DACH2: variants seen among roughly 807,000 people sequenced by gnomAD.
DACH2 encodes dachshund homolog 2.
In DACH2, 17 loss-of-function variants were observed where a neutral mutation model predicts 35.8. The ratio of observed to expected loss-of-function variants is 0.48; its 90% CI spans 0.33 to 0.71. DACH2 has a LOEUF of 0.71. Ranked by LOEUF, DACH2 falls within the 30% of genes least tolerant of loss-of-function variation. The pLI, the probability that DACH2 is intolerant of heterozygous loss-of-function variation, is 0.02. For synonymous variants in DACH2, 195 were observed against 177.3 expected (o/e 1.10, Z -0.79); for missense variants, 469 against 472.7 (o/e 0.99, Z 0.07).
intron 1 of DACH2, among the ~76,000 whole-genome samples, chrX:86,349,789 A>G (rs2035562264): frequency 1.8e-5 from 2 of 111,058 alleles, no homozygotes; most frequent in Non-Finnish European, 3.8e-5. Flanking sequence ...TTTTTCTGTG[A>G]TTCTTCTCAT....
chrX:86,705,969 A>G (rs746504618), intron 5 of DACH2, among the ~76,000 whole-genome samples: 1 of 112,247 alleles, frequency 8.9e-6, no homozygotes, highest in Non-Finnish European at 1.9e-5. Context: ...GAAGGCCATC[A>G]TTCTAAGTGA....
intron 1 of DACH2, among the ~76,000 whole-genome samples, chrX:86,293,782 C>T (rs185288786): frequency 0.011 from 1,237 of 111,557 alleles, 13 homozygotes; most frequent in African/African-American, 0.038. Context: ...AGAGTTTCTG[C>T]CGAGAGATCA....
intron 2 of DACH2, among the ~76,000 whole-genome samples, chrX:86,503,239 C>G (rs964168499): frequency 1.8e-5 from 2 of 111,704 alleles, no homozygotes; most frequent in African/African-American, 6.5e-5. Flanking sequence ...GTGTTTTACA[C>G]AGTGGACACA....
Position 86,288,151 on chromosome X carries a change from C to T in DACH2, c.489-88673C>T, listed in dbSNP as rs140177959. Reference sequence around the variant, plus strand: ...TCTTGCAGACTCCTAGAGGTATTACCTTGATGGTCTTGGACAAGATTGCAG... The same window carrying T: ...TCTTGCAGACTCCTAGAGGTATTACTTTGATGGTCTTGGACAAGATTGCAG... On this transcript the variant is annotated intron_variant, in intron 1 of 11. Coordinates refer to ENST00000373125, the MANE Select transcript of DACH2 (RefSeq NM_053281.3). Among the ~76,000 whole-genome samples the T allele has an allele frequency of 5.5e-3, 620 of 112,401 alleles. 6 individuals carry two copies. Among genetic ancestry groups the T allele is most frequent in the African/African-American group, 0.019 (586 of 30,982 alleles).
intron 3 of DACH2, among the ~76,000 whole-genome samples, chrX:86,540,482 G>A (rs925320894): frequency 4.1e-4 from 46 of 112,290 alleles, no homozygotes; most frequent in African/African-American, 1.5e-3. Context: ...AGCCCAATCA[G>A]CAGATATATT....
intron 1 of DACH2, chrX:86,304,775 G>A (rs1269538273): frequency 6.3e-6 from 1 of 159,727 alleles, no homozygotes; most frequent in Admixed American, 5.7e-5. Context: ...CAATATGGAA[G>A]TCACCCAGGA....
chrX:86,220,165 C>CA (rs57964243), intron 1 of DACH2, among the ~76,000 whole-genome samples: 957 of 49,928 alleles, frequency 0.019, 30 homozygotes, highest in African/African-American at 0.054. Context: ...GACTCCATCT[C>CA]AAAAAAAAAA....
Position 86,507,463 on chromosome X carries a change from CAAAAA to C in DACH2, c.528-6797_528-6793del, listed in dbSNP as rs34617943. Among the ~76,000 whole-genome samples the C allele has an allele frequency of 1.7e-4, 8 of 47,645 alleles. 1 individual carries two copies. Among genetic ancestry groups the C allele is most frequent in the Admixed American group, 1.4e-3 (5 of 3,648 alleles). 41.4% of individuals were successfully genotyped at this position (47,645 alleles called of 115,157 possible). On this transcript the variant is annotated intron_variant, in intron 2 of 11. Transcript: ENST00000373125. Reference sequence around the variant, plus strand: ...CACAAAGGAAAAGTCAGTGACCTTTCAAAAAAAAAAAAAAAAAAAAAAACCAGCGG... The same window carrying C: ...CACAAAGGAAAAGTCAGTGACCTTTCAAAAAAAAAAAAAAAAAACCAGCGG...
chrX:86,724,486 T>G lies in DACH2; in HGVS notation c.1104+9766T>G, dbSNP rs370527345. On this transcript the variant is annotated intron_variant, in intron 6 of 11. Coordinates refer to ENST00000373125, the MANE Select transcript of DACH2 (RefSeq NM_053281.3). ...TGGATAAAAAATGCTTGTCTGGCAG[T>G]TTTTTCTTCTTTTAGCACTTTGAAA... 4.5e-5 allele frequency among the ~76,000 whole-genome samples: 5 copies of G among 111,899 alleles called. No homozygotes were observed. The East Asian group carries it at 1.4e-3, about 31-fold the overall frequency.
intron 1 of DACH2, among the ~76,000 whole-genome samples, chrX:86,265,018 G>T (rs903389508): frequency 2.7e-5 from 3 of 111,272 alleles, no homozygotes; most frequent in African/African-American, 9.8e-5. Flanking sequence ...ATGGGTAGTT[G>T]GGAGGGGTTC....
intron 3 of DACH2, among the ~76,000 whole-genome samples, chrX:86,606,090 T>C (rs1480087646): frequency 9.0e-6 from 1 of 111,211 alleles, no homozygotes; most frequent in African/African-American, 3.3e-5. Flanking sequence ...CTTGCTTTAC[T>C]GTGTGTCTTA....
intron 1 of DACH2, among the ~76,000 whole-genome samples, chrX:86,204,252 A>C (rs956084955): frequency 8.9e-6 from 1 of 112,040 alleles, no homozygotes; most frequent in Non-Finnish European, 1.9e-5. Flanking sequence ...TGTCTGCTAC[A>C]GACTATGTAC....
intron 3 of DACH2, among the ~76,000 whole-genome samples, chrX:86,526,346 A>T (rs1443536711): frequency 9.0e-6 from 1 of 111,302 alleles, no homozygotes; most frequent in Non-Finnish European, 1.9e-5. Context: ...GGCACCTAGA[A>T]CTCACCTTTT....
intron 6 of DACH2, among the ~76,000 whole-genome samples, chrX:86,738,857 T>C (rs1391180404): frequency 1.8e-5 from 2 of 111,814 alleles, no homozygotes; most frequent in African/African-American, 6.5e-5. Flanking sequence ...AATAATGGTG[T>C]ACTGTGACTA....
intron 1 of DACH2, among the ~76,000 whole-genome samples, chrX:86,253,649 G>C (rs957432286): frequency 9.0e-6 from 1 of 111,577 alleles, no homozygotes; most frequent in African/African-American, 3.2e-5. Context: ...TTGGTATAAC[G>C]TGTGACTCCC....
At chrX:86,678,146 G>C (rs1434779205) in intron 4 of DACH2, among the ~76,000 whole-genome samples, 1 of 111,774 alleles carries the variant, frequency 8.9e-6, no homozygotes, top group Non-Finnish European at 1.9e-5. Context: ...AAATACAAGG[G>C]TGCAGGTGTT....
chrX:86,328,752 G>A (rs1409296298), intron 1 of DACH2, among the ~76,000 whole-genome samples: 1 of 111,548 alleles, frequency 9.0e-6, no homozygotes, highest in African/African-American at 3.3e-5. Flanking sequence ...TTCCTGAATT[G>A]CAATTAGATA....
rs556947343 is a variant in DACH2 at position 86,664,866 on chromosome X, T to A, written c.772+13699T>A. 2.8e-4 allele frequency among the ~76,000 whole-genome samples: 31 copies of A among 112,049 alleles called. 1 individual carries two copies. In the South Asian group the frequency reaches 0.011, roughly 41 times the overall value. On this transcript the variant is annotated intron_variant, in intron 4 of 11. Transcript: ENST00000373125. ...AGTCAGCATTTTTGAGTTTTTCTTT[T>A]TTAAATTTTCAAGTGCTTCGAAAGG...
chrX:86,743,238 G>A (rs1223169023), intron 7 of DACH2, among the ~76,000 whole-genome samples: 2 of 111,167 alleles, frequency 1.8e-5, no homozygotes, highest in Non-Finnish European at 3.8e-5. Context: ...ATCTCAACCT[G>A]CCTTTTGATC....
Sources: gnomAD v4.1 joint callset for allele counts (sites outside exome capture counted in the v4.1 genomes callset) on GRCh38, gnomAD v4.1.1 for gene constraint, MANE v1.5 for transcripts, NCBI Gene and HGNC (gene_info 2026-07-23, HGNC 2026-07-21) for gene names.